DNAAF10: variants seen among roughly 807,000 people sequenced by gnomAD.
DNAAF10 encodes dynein axonemal assembly factor 10.
A neutral mutation model predicts 43.7 loss-of-function variants in DNAAF10; 28 were observed. That is an observed-to-expected ratio of 0.64 (90% CI 0.48 to 0.88). The LOEUF (loss-of-function observed/expected upper bound fraction) is 0.88. Among genes scored for constraint, DNAAF10 ranks in the 40% least tolerant of loss-of-function variants. DNAAF10 has a pLI of 0.00. For missense variants in DNAAF10, 403 were observed against 439.1 expected (o/e 0.92, Z 0.73); for synonymous variants, 156 against 157.3 (o/e 0.99, Z 0.06).
At chr2:68,134,425 T>C (rs929378790) in intron 7 of DNAAF10, 46 of 1,211,698 alleles carry the variant, frequency 3.8e-5, no homozygotes, top group Non-Finnish European at 4.7e-5. Context: ...CAAGATAGTA[T>C]CTGATAAAAG....
chr2:68,135,737 T>C (rs925529192), intron 6 of DNAAF10, among the ~76,000 whole-genome samples: 3 of 152,172 alleles, frequency 2.0e-5, no homozygotes, highest in Non-Finnish European at 4.4e-5. Context: ...ACATTTTGAG[T>C]GTGTAACAGT....
intron 7 of DNAAF10, 89 bp from the exon 8 acceptor site, chr2:68,131,534 C>T: frequency 1.6e-6 from 2 of 1,269,548 alleles, no homozygotes; most frequent in Non-Finnish European, 2.2e-6. Context: ...CTCTATTTCT[C>T]AGTTGGTTAC....
chr2:68,144,492 C>A, intron 3 of DNAAF10, 93 bp downstream of exon 3: 1 of 1,515,102 alleles, frequency 6.6e-7, no homozygotes, highest in Non-Finnish European at 8.9e-7. Flanking sequence ...GTCAAGGTGA[C>A]TGAAGGGGAT....
intron 6 of DNAAF10, among the ~76,000 whole-genome samples, chr2:68,136,795 T>C (rs769199539): frequency 2.6e-5 from 4 of 152,188 alleles, no homozygotes; most frequent in Non-Finnish European, 5.9e-5. Context: ...CCCTCTCAGC[T>C]ACCTCAAATG....
intron 3 of DNAAF10, among the ~76,000 whole-genome samples, chr2:68,142,333 T>C (rs546622498): frequency 5.9e-5 from 9 of 152,320 alleles, no homozygotes; most frequent in African/African-American, 1.9e-4. Flanking sequence ...CTTGGCTCAC[T>C]GCAACCTCCG....
intron 1 of DNAAF10, among the ~76,000 whole-genome samples, chr2:68,149,996 G>A (rs1673414289): frequency 6.6e-6 from 1 of 152,298 alleles, no homozygotes; most frequent in South Asian, 2.1e-4. Flanking sequence ...TCTCAGAGAA[G>A]CACTGGGAAG....
At chr2:68,144,487 G>C (rs1344741939) in intron 3 of DNAAF10, 98 bp downstream of exon 3, 9 of 1,478,652 alleles carry the variant, frequency 6.1e-6, no homozygotes, top group Non-Finnish European at 8.2e-6. Context: ...AGGGAGTCAA[G>C]GTGACTGAAG....
chr2:68,135,259 A>G (rs1673012678), intron 6 of DNAAF10, among the ~76,000 whole-genome samples: 1 of 152,240 alleles, frequency 6.6e-6, no homozygotes, highest in East Asian at 1.9e-4. Context: ...CAATAAGTAC[A>G]TAGACTGAAT....
At chr2:68,138,891 T>C in intron 4 of DNAAF10, 34 bp from the exon 5 acceptor site, 1 of 1,456,534 alleles carries the variant, frequency 6.9e-7, no homozygotes, top group Non-Finnish European at 9.6e-7. Context: ...CACATCCTTA[T>C]AAATGCATCC....
At chr2:68,156,125 AG>A (rs1673600559) in intron 1 of DNAAF10, among the ~76,000 whole-genome samples, 7 of 133,772 alleles carry the variant, frequency 5.2e-5, no homozygotes, top group South Asian at 2.7e-4. Context: ...AAAAAAAAAA[AG>A]CCACTGGTTA....
Position 68,157,480 on chromosome 2 carries a change from C to T in DNAAF10, c.-37G>A. On this transcript the variant is annotated 5_prime_UTR_variant, in exon 1 of 8. The change creates a premature stop within an existing upstream ORF in the 5' untranslated region. Coordinates refer to ENST00000295121, the MANE Select transcript of DNAAF10 (RefSeq NM_138458.4). ...TTTCAGCTACGGCAACCGCCACACCCAGAGCCCCCAAAAACGGCAACCTGG... is the reference window on the plus strand; with the variant it reads ...TTTCAGCTACGGCAACCGCCACACCTAGAGCCCCCAAAAACGGCAACCTGG... The T allele has an allele frequency of 6.2e-6, 10 of 1,614,136 alleles. No individual in the cohort carries two copies. Among genetic ancestry groups the T allele is most frequent in the Non-Finnish European group, 8.5e-6 (10 of 1,180,004 alleles).
At chr2:68,132,107 G>C (rs1672941626) in intron 7 of DNAAF10, 1 of 152,480 alleles carries the variant, frequency 6.6e-6, no homozygotes, top group Non-Finnish European at 1.5e-5. Context: ...GAAGGTTAAA[G>C]TCATAAATCC....
intron 7 of DNAAF10, 192 bp downstream of exon 7, chr2:68,134,510 G>T: frequency 2.8e-6 from 4 of 1,413,596 alleles, no homozygotes; most frequent in Non-Finnish European, 3.7e-6. Flanking sequence ...GAAGATTAGT[G>T]TACACTCTAC....
chr2:68,138,981 T>G (rs1263465333), intron 4 of DNAAF10, 124 bp from the exon 5 acceptor site: 5 of 679,472 alleles, frequency 7.4e-6, no homozygotes. Context: ...TCACACTGGG[T>G]AGTATCCCAT....
chr2:68,150,664 C>A (rs1385275154), intron 1 of DNAAF10, among the ~76,000 whole-genome samples: 1 of 152,012 alleles, frequency 6.6e-6, no homozygotes, highest in East Asian at 1.9e-4. Context: ...ACCCAGAGGG[C>A]GGAGGCTGCA....
intron 1 of DNAAF10, among the ~76,000 whole-genome samples, chr2:68,150,092 G>C (rs868828695): frequency 6.6e-6 from 1 of 152,136 alleles, no homozygotes; most frequent in Admixed American, 6.5e-5. Context: ...CCTCTGATGA[G>C]GGTTTCTGTG....
rs767373336 is a variant in DNAAF10 at position 68,131,278 on chromosome 2, G to A, written c.1034C>T (p.Thr345Met). The change falls in exon 8 of 8, where the codon ACG becomes ATG. Residue 345 changes from threonine (T) to methionine (M), a missense_variant. Physicochemically the swap from Thr to Met is moderately conservative, Grantham distance 81 (BLOSUM62 -1). Transcript: ENST00000295121. ...GLCVCSSFDQ[T>M]VRVLIVTKLN... ...CTTTGTAACGATCAGTACTCTCACC[G>A]TTTGGTCAAATGAACTACAGACGCA... 23 of 1,613,914 alleles carry A rather than the reference G, an allele frequency of 1.4e-5. No individual in the cohort carries two copies. Among genetic ancestry groups the A allele is most frequent in the Admixed American group, 3.3e-5 (2 of 59,982 alleles).
chr2:68,139,046 T>C (rs1474145304), intron 4 of DNAAF10, among the ~76,000 whole-genome samples, 189 bp from the exon 5 acceptor site: 1 of 152,204 alleles, frequency 6.6e-6, no homozygotes, highest in Non-Finnish European at 1.5e-5. Flanking sequence ...ATTAGTTTTT[T>C]GTTTTGTTTA....
chr2:68,157,381 C>A lies in DNAAF10; in HGVS notation c.63G>T (p.Val21=). 11 of 1,614,208 alleles carry A rather than the reference C, an allele frequency of 6.8e-6. No homozygotes were observed. The highest frequency in any genetic ancestry group is 9.3e-6 in the Non-Finnish European group (11 of 1,180,032). ...TGCAGGGCACCCACTTACAGTCAAA[C>A]ACCGTGTAGTTGAAGCCCTTCTGGA... The part of the protein sequence containing the change: ...AHIQKGFNYT[V]FDCKWVPCSA... Residue 21 remains valine, a synonymous_variant, in exon 1 of 8, where the codon GTG becomes GTT. Coordinates refer to ENST00000295121, the MANE Select transcript of DNAAF10 (RefSeq NM_138458.4).
Sources: gnomAD v4.1 joint callset for allele counts (sites outside exome capture counted in the v4.1 genomes callset) on GRCh38, gnomAD v4.1.1 for gene constraint, MANE v1.5 for transcripts, NCBI Gene and HGNC (gene_info 2026-07-23, HGNC 2026-07-21) for gene names.